Variants in GATB observed in about 807,000 individuals in gnomAD.
The protein encoded by GATB is glutamyl-tRNA amidotransferase subunit B.
Under a neutral mutation model 62.3 loss-of-function variants are expected in GATB, and 39 were observed. That is an observed-to-expected ratio of 0.63 (90% CI 0.48 to 0.82). The LOEUF (loss-of-function observed/expected upper bound fraction) is 0.82, where lower values mean the gene tolerates loss of function less well. Ranked by LOEUF, GATB falls within the 40% of genes least tolerant of loss-of-function variation. The probability of loss-of-function intolerance (pLI) is 0.00; values close to 1 mark genes in which losing one functional copy is unlikely to be tolerated. For missense variants in GATB, 670 were observed against 684.0 expected (o/e 0.98, Z 0.23); for synonymous variants, 276 against 258.9 (o/e 1.07, Z -0.63).
chr4:151,672,827 G>A lies in GATB; in HGVS notation c.1480C>T (p.Leu494=). ...GQIVSEKQLE[L]MQDQGALEQL... ...TCCAGTGCCCCCTGGTCCTGCATCA[G>A]TTCAAGCTGCTTTTCTGAAACAATC... The change falls in exon 12 of 13, where the codon CTG becomes TTG. Residue 494 remains leucine (L), a synonymous_variant. Coordinates refer to ENST00000263985, the MANE Select transcript of GATB (RefSeq NM_004564.3). The A allele has an allele frequency of 1.2e-6, 2 of 1,614,206 alleles. No homozygotes were observed. Among genetic ancestry groups the A allele is most frequent in the Non-Finnish European group, 1.7e-6 (2 of 1,180,028 alleles).
chr4:151,726,817 C>A (rs1005069536), intron 2 of GATB, among the ~76,000 whole-genome samples: 16 of 152,292 alleles, frequency 1.1e-4, no homozygotes, highest in African/African-American at 2.9e-4. Context: ...TCTGGGATTC[C>A]ATCCTCTTCC....
At chr4:151,736,580 T>C (rs1739378617) in intron 2 of GATB, among the ~76,000 whole-genome samples, 1 of 152,214 alleles carries the variant, frequency 6.6e-6, no homozygotes, top group South Asian at 2.1e-4. Context: ...ATGATGTAAG[T>C]GTTTACCACT....
chr4:151,735,945 C>G (rs186171559), intron 2 of GATB, among the ~76,000 whole-genome samples: 13 of 151,264 alleles, frequency 8.6e-5, no homozygotes, highest in Non-Finnish European at 1.8e-4. Flanking sequence ...GATGGGTGCA[C>G]CAGGATCTCA....
At chr4:151,747,073 G>A (rs1228391094) in intron 2 of GATB, among the ~76,000 whole-genome samples, 2 of 152,082 alleles carry the variant, frequency 1.3e-5, no homozygotes, top group Admixed American at 6.6e-5. Context: ...GTTGTTATGA[G>A]GTTAGAATAA....
chr4:151,719,132 C>G (rs1738974881), intron 3 of GATB, among the ~76,000 whole-genome samples: 1 of 152,250 alleles, frequency 6.6e-6, no homozygotes, highest in Non-Finnish European at 1.5e-5. Context: ...GCACCAAATA[C>G]CACGGCCAGG....
At chr4:151,672,562 AAAG>A in intron 12 of GATB, 197 bp downstream of exon 12, 1 of 566,626 alleles carries the variant, frequency 1.8e-6, no homozygotes. Context: ...TCTTATAGGA[AAAG>A]AAGTTGTGTT....
chr4:151,731,366 C>A (rs557241889), intron 2 of GATB, among the ~76,000 whole-genome samples: 2 of 152,228 alleles, frequency 1.3e-5, no homozygotes, highest in African/African-American at 4.8e-5. Context: ...ATCTGCCAGC[C>A]TCGGCCTCCT....
At chr4:151,711,699 T>G (rs2126974890) in intron 5 of GATB, among the ~76,000 whole-genome samples, 1 of 152,368 alleles carries the variant, frequency 6.6e-6, no homozygotes, top group East Asian at 1.9e-4. Context: ...AGTTTATTTG[T>G]TAATGTCTTT....
Position 151,708,028 on chromosome 4 carries a change from C to T in GATB, c.837G>A (p.Val279=), listed in dbSNP as rs1295728559. 1.2e-6 allele frequency: 2 copies of T among 1,614,130 alleles called. No individual in the cohort carries two copies. Reference sequence around the variant, plus strand: ...GGAACCTGATGCTGTTGAGATTCTTCACTTCCGTTCGAACGCCCAAAGGCT... The same window carrying T: ...GGAACCTGATGCTGTTGAGATTCTTTACTTCCGTTCGAACGCCCAAAGGCT... The part of the protein sequence containing the change: ...PGEPLGVRTE[V]KNLNSIRFLA... The change falls in exon 6 of 13, where the codon GTG becomes GTA. Residue 279 remains valine (V), a synonymous_variant. Transcript: ENST00000263985.
At chr4:151,678,024 C>T (rs1057325428) in intron 11 of GATB, 11 of 151,988 alleles carry the variant, frequency 7.2e-5, no homozygotes. Flanking sequence ...TGTTTTTCTA[C>T]ATTACTTATA....
At chr4:151,686,171 C>G (rs940141001) in intron 10 of GATB, among the ~76,000 whole-genome samples, 2 of 152,202 alleles carry the variant, frequency 1.3e-5, no homozygotes, top group African/African-American at 4.8e-5. Flanking sequence ...TGGCTCACAC[C>G]GAGGCCCACA....
chr4:151,693,061 C>T (rs779974387), intron 9 of GATB, among the ~76,000 whole-genome samples: 12 of 152,146 alleles, frequency 7.9e-5, no homozygotes, highest in Non-Finnish European at 1.0e-4. Flanking sequence ...TTTGTGCAGA[C>T]GCTGGAGGAG....
chr4:151,713,535 T>C (rs1318047376), intron 5 of GATB, among the ~76,000 whole-genome samples: 1 of 152,234 alleles, frequency 6.6e-6, no homozygotes, highest in Admixed American at 6.5e-5. Flanking sequence ...CAGATGGCCT[T>C]GATGATTTCC....
intron 2 of GATB, among the ~76,000 whole-genome samples, chr4:151,724,956 G>T (rs1163605320): frequency 1.3e-5 from 2 of 152,144 alleles, no homozygotes; most frequent in Non-Finnish European, 2.9e-5. Context: ...AAAGCAAATT[G>T]TTCTACAAAA....
intron 3 of GATB, among the ~76,000 whole-genome samples, chr4:151,718,659 C>T (rs938157959): frequency 6.6e-6 from 1 of 152,096 alleles, no homozygotes; most frequent in African/African-American, 2.4e-5. Flanking sequence ...AAAAACAGCT[C>T]GCCCCAATCT....
chr4:151,716,038 G>A lies in GATB; in HGVS notation c.734C>T (p.Ala245Val). ...AVRELQLILQ[A>V]LGTSQANMAE... Reference sequence around the variant, plus strand: ...CATGTTCGCCTGGCTGGTCCCCAGGGCTTGAAGGATCAGCTGCAGCTCCCT... The same window carrying A: ...CATGTTCGCCTGGCTGGTCCCCAGGACTTGAAGGATCAGCTGCAGCTCCCT... Residue 245 changes from alanine to valine, a missense_variant, in exon 5 of 13, where the codon GCC becomes GTC. Coordinates refer to ENST00000263985, the MANE Select transcript of GATB (RefSeq NM_004564.3). The A allele has an allele frequency of 4.3e-6, 7 of 1,613,954 alleles. No homozygotes were observed. The highest frequency in any genetic ancestry group is 5.1e-6 in the Non-Finnish European group (6 of 1,179,960).
intron 2 of GATB, among the ~76,000 whole-genome samples, chr4:151,756,517 G>C (rs977458496): frequency 6.6e-6 from 1 of 152,186 alleles, no homozygotes. Flanking sequence ...AGAAGAGGTA[G>C]ATCTCCTCTG....
rs149882833 is a variant in GATB at position 151,728,859 on chromosome 4, T to C, written c.328-9321A>G. Among the ~76,000 whole-genome samples the C allele has an allele frequency of 1.9e-3, 286 of 152,342 alleles. 2 individuals carry two copies. The highest frequency in any genetic ancestry group is 6.3e-3 in the African/African-American group (262 of 41,590). On this transcript the variant is annotated intron_variant, in intron 2 of 12. Transcript: ENST00000263985. ...CAACTGTCTTGAACCAACCAAACTC[T>C]AAGTAAGAAATGCAGCTAAGTATTC...
At chr4:151,698,253 A>C (rs1738528681) in intron 9 of GATB, among the ~76,000 whole-genome samples, 1 of 152,006 alleles carries the variant, frequency 6.6e-6, no homozygotes, top group Non-Finnish European at 1.5e-5. Context: ...TGTGTGTGGT[A>C]GACGCTAAAG....
Sources: gnomAD v4.1 joint callset for allele counts (sites outside exome capture counted in the v4.1 genomes callset) on GRCh38, gnomAD v4.1.1 for gene constraint, MANE v1.5 for transcripts, NCBI Gene and HGNC (gene_info 2026-07-23, HGNC 2026-07-21) for gene names.